CCDC73: variants seen among roughly 807,000 people sequenced by gnomAD.
CCDC73 encodes the protein coiled-coil domain-containing protein 73.
Under a neutral mutation model 116.5 loss-of-function variants are expected in CCDC73, and 95 were observed. The ratio of observed to expected loss-of-function variants is 0.82; its 90% CI spans 0.69 to 0.97. The LOEUF (loss-of-function observed/expected upper bound fraction) is 0.97, where lower values mean the gene tolerates loss of function less well. Among genes scored for constraint, CCDC73 ranks in the 50% least tolerant of loss-of-function variants. The probability of loss-of-function intolerance (pLI) is 0.00; values close to 1 mark genes in which losing one functional copy is unlikely to be tolerated. For synonymous variants in CCDC73, 398 were observed against 401.3 expected, an observed-to-expected ratio of 0.99 and a Z score of 0.10; for missense variants, 1,066 against 1,206.8, an observed-to-expected ratio of 0.88 and a Z score of 1.73.
chr11:32,776,970 CACAT>C (rs1850539569), intron 1 of CCDC73, among the ~76,000 whole-genome samples: 7 of 120,300 alleles, frequency 5.8e-5, no homozygotes, highest in African/African-American at 1.3e-4. Context: ...TACACACACA[CACAT>C]ATATATATAC....
At chr11:32,720,562 G>GA (rs1390369070) in intron 2 of CCDC73, among the ~76,000 whole-genome samples, 2 of 151,734 alleles carry the variant, frequency 1.3e-5, no homozygotes, top group African/African-American at 4.8e-5. Flanking sequence ...GATTGGAAAG[G>GA]AAAAAATAAA....
chr11:32,776,263 A>G (rs1458636048), intron 1 of CCDC73, among the ~76,000 whole-genome samples: 5 of 152,046 alleles, frequency 3.3e-5, no homozygotes, highest in African/African-American at 1.2e-4. Context: ...TTATCCCTTT[A>G]TTTAATCTTC....
At chr11:32,816,666 C>G in the CCDC73 span, among the ~76,000 whole-genome samples, 1 of 152,310 alleles carries the variant, frequency 6.6e-6, no homozygotes, top group East Asian at 1.9e-4. Flanking sequence ...GTTTAAGGGA[C>G]TTCTTCAAGT....
At chr11:32,661,682 CTTTAT>C (rs1189357048) in intron 9 of CCDC73, among the ~76,000 whole-genome samples, 12 of 150,126 alleles carry the variant, frequency 8.0e-5, no homozygotes, top group South Asian at 2.1e-4. Flanking sequence ...GCCACATTTT[CTTTAT>C]TTTATTATTA....
intron 1 of CCDC73, among the ~76,000 whole-genome samples, chr11:32,777,302 G>A (rs6484596): frequency 0.58 from 86,975 of 151,220 alleles, 25,316 homozygotes; most frequent in East Asian, 0.84. Flanking sequence ...ATGGCGTTTT[G>A]CCATGTTGGC....
intron 6 of CCDC73, among the ~76,000 whole-genome samples, chr11:32,692,509 A>C (rs538067761): frequency 6.6e-6 from 1 of 152,212 alleles, no homozygotes; most frequent in East Asian, 1.9e-4. Flanking sequence ...AATATAATAT[A>C]TAAAATTAAG....
In CCDC73 at chr11:32,675,654, G is replaced by T. The variant is rs1856080609; in HGVS notation, c.566-10C>A. 6.4e-7 allele frequency: 1 copy of T among 1,570,710 alleles called. No individual in the cohort carries two copies. On this transcript the variant is annotated splice_polypyrimidine_tract_variant and intron_variant, in intron 8 of 17. Coordinates refer to ENST00000335185, the MANE Select transcript of CCDC73 (RefSeq NM_001008391.4). ...TGTATTGCTTCCCGTACTGCAACAT[G>T]AAAGACATTTAAGAAAGCATTATAT...
At chr11:32,759,327 CTTTTTT>C (rs1208029392) in intron 2 of CCDC73, among the ~76,000 whole-genome samples, 1 of 129,956 alleles carries the variant, frequency 7.7e-6, no homozygotes, top group African/African-American at 2.9e-5. Context: ...ACATTTTTTC[CTTTTTT>C]TTTTTTTTTT....
At chr11:32,768,824 G>A (rs1195715253) in intron 1 of CCDC73, among the ~76,000 whole-genome samples, 2 of 152,138 alleles carry the variant, frequency 1.3e-5, no homozygotes, top group Non-Finnish European at 2.9e-5. Context: ...CACCATAGGC[G>A]ACGGAGTGAG....
the CCDC73 span, among the ~76,000 whole-genome samples, chr11:32,828,143 A>G: frequency 6.6e-6 from 1 of 152,244 alleles, no homozygotes; most frequent in Non-Finnish European, 1.5e-5. Flanking sequence ...TCAGTTGATT[A>G]TCAATAATAA....
At chr11:32,829,776 C>T in the CCDC73 span, 1 of 985,244 alleles carries the variant, frequency 1.0e-6, no homozygotes, top group Non-Finnish European at 1.2e-6. Flanking sequence ...GCTGGCCCGC[C>T]CGGGGATGGG....
chr11:32,775,120 G>A (rs1222752818), intron 1 of CCDC73, among the ~76,000 whole-genome samples: 2 of 152,148 alleles, frequency 1.3e-5, no homozygotes, highest in African/African-American at 4.8e-5. Context: ...ACCAGATGGT[G>A]CATCAAATGT....
Position 32,633,041 on chromosome 11 carries a change from CA to C in CCDC73, c.1185+2654del, listed in dbSNP as rs748696422. On this transcript the variant is annotated intron_variant, in intron 14 of 17. Transcript: ENST00000335185. Reference sequence around the variant, plus strand: ...AACATGGGAGAGAAATGAATGAAATCAAAACCTGTTTTTTGTTTGTTATTTT... The same window carrying C: ...AACATGGGAGAGAAATGAATGAAATCAAACCTGTTTTTTGTTTGTTATTTT... Among the ~76,000 whole-genome samples, 11 of 152,144 alleles carry C rather than the reference CA, an allele frequency of 7.2e-5. No homozygotes were observed. In the East Asian group the frequency reaches 2.1e-3, roughly 29 times the overall value.
intron 2 of CCDC73, among the ~76,000 whole-genome samples, chr11:32,741,551 A>G (rs1850186715): frequency 6.6e-6 from 1 of 150,682 alleles, no homozygotes; most frequent in Non-Finnish European, 1.5e-5. Flanking sequence ...TCATCCCTTT[A>G]TTTTTAGTCT....
intron 12 of CCDC73, among the ~76,000 whole-genome samples, chr11:32,645,872 C>G (rs1565065357): frequency 6.6e-6 from 1 of 152,148 alleles, no homozygotes; most frequent in Admixed American, 6.5e-5. Context: ...CCATCTTACA[C>G]GTGGTCTGTC....
intron 6 of CCDC73, among the ~76,000 whole-genome samples, chr11:32,695,803 G>T (rs2133308947): frequency 6.8e-6 from 1 of 146,742 alleles, no homozygotes; most frequent in Admixed American, 6.8e-5. Flanking sequence ...ACCCTGGGCT[G>T]AAGTAAGCGT....
At chr11:32,741,930 T>C (rs1335699006) in intron 2 of CCDC73, among the ~76,000 whole-genome samples, 3 of 152,142 alleles carry the variant, frequency 2.0e-5, no homozygotes, top group African/African-American at 7.2e-5. Flanking sequence ...GATCTTGTGA[T>C]AGTTTGCTGA....
the CCDC73 span, among the ~76,000 whole-genome samples, chr11:32,801,083 C>G: frequency 6.6e-6 from 1 of 152,152 alleles, no homozygotes; most frequent in Non-Finnish European, 1.5e-5. Context: ...GCTTTTAGTT[C>G]TGAGCATCAC....
intron 1 of CCDC73, among the ~76,000 whole-genome samples, chr11:32,775,670 CTTAG>C (rs1386702646): frequency 5.9e-5 from 9 of 152,190 alleles, no homozygotes; most frequent in Non-Finnish European, 1.0e-4. Context: ...CCTGAGGGTA[CTTAG>C]TTAGTGACCT....
Sources: allele counts gnomAD v4.1 joint callset (sites outside exome capture counted in the v4.1 genomes callset), GRCh38; gene constraint gnomAD v4.1.1; transcripts MANE v1.5; gene names NCBI Gene and HGNC (gene_info 2026-07-23, HGNC 2026-07-21).